Variants in ZNF565 observed in about 807,000 individuals in gnomAD.
ZNF565 encodes zinc finger protein 565.
A neutral mutation model predicts 39.4 loss-of-function variants in ZNF565; 27 were observed. That is an observed-to-expected ratio of 0.69 (90% CI 0.51 to 0.95). The LOEUF (loss-of-function observed/expected upper bound fraction) is 0.95. Among genes scored for constraint, ZNF565 ranks in the 40% least tolerant of loss-of-function variants. The pLI, the probability that ZNF565 is intolerant of heterozygous loss-of-function variation, is 0.00. For synonymous variants in ZNF565, 185 were observed against 216.6 expected (o/e 0.85, Z 1.28); for missense variants, 524 against 621.1 (o/e 0.84, Z 1.66).
At chr19:36,204,587 G>T (rs570575219) in intron 1 of ZNF565, among the ~76,000 whole-genome samples, 109 of 152,198 alleles carry the variant, frequency 7.2e-4, no homozygotes, top group Non-Finnish European at 1.2e-3. Flanking sequence ...TGGCTAGTAT[G>T]TCTGAGAAAC....
Position 36,183,330 on chromosome 19 carries a change from C to T in ZNF565, c.636G>A (p.Gln212=), listed in dbSNP as rs532801252. 2.0e-5 allele frequency: 33 copies of T among 1,613,226 alleles called. No individual in the cohort carries two copies. In the African/African-American group the frequency reaches 3.9e-4, roughly 19 times the overall value. ...KAFSRASHLV[Q]HQRIHTGEKP... is the part of the protein sequence containing the mutation. ...TCTCACCCGTGTGAATTCTCTGATGCTGAACAAGGTGTGAGGCACGGCTGA... is the reference window on the plus strand; with the variant it reads ...TCTCACCCGTGTGAATTCTCTGATGTTGAACAAGGTGTGAGGCACGGCTGA... Residue 212 remains glutamine, a synonymous_variant, in exon 5 of 5, where the codon CAG becomes CAA. Coordinates refer to ENST00000304116, the MANE Select transcript of ZNF565 (RefSeq NM_152477.5).
Position 36,245,485 on chromosome 19 carries a change from G to T in ZNF565, c.46C>A (p.Leu16Met). 1.4e-6 allele frequency: 1 copy of T among 702,224 alleles called. No individual in the cohort carries two copies. The highest frequency in any genetic ancestry group is 2.6e-6 in the Non-Finnish European group (1 of 384,796). The allele number at this position is 702,224 out of a possible 1,614,324, so 43.5% of individuals were successfully genotyped here. ...GCATCTAGGAGGTTACCTGCGTCCA[G>T]GCGGTGACTTGCGAGGGACCACCTT... is the stretch of plus-strand genomic sequence containing the variant. Residue 16 changes from leucine (L) to methionine (M), a missense_variant, in exon 1 of 5, where the codon CTG becomes ATG. Transcript: ENST00000355114. The surrounding 1 kb of genome is among the most constrained non-coding windows in gnomAD (Gnocchi z 4.4).
chr19:36,207,471 C>T (rs945505691), intron 1 of ZNF565, among the ~76,000 whole-genome samples: 15 of 151,362 alleles, frequency 9.9e-5, no homozygotes, highest in African/African-American at 1.2e-4. Flanking sequence ...AGCCAGGAGG[C>T]GGAGGTTGCG....
In ZNF565 at chr19:36,245,108, C is replaced by G. The variant is rs1337447121; in HGVS notation, c.55+368G>C. Among the ~76,000 whole-genome samples, 2 of 152,344 alleles carry G rather than the reference C, an allele frequency of 1.3e-5. No homozygotes were observed. The highest frequency in any genetic ancestry group is 3.9e-4 in the East Asian group (2 of 5,188). On this transcript the variant is annotated intron_variant, in intron 1 of 4. Transcript: ENST00000355114. This position sits in a 1 kb window ranked among gnomAD's most constrained non-coding sequence, Gnocchi z 4.4. The stretch of plus-strand genomic sequence containing the variant: ...TATTTCTTTTGAGTTTAGGGATCCA[C>G]AGCCTGAGACCCGGCGAGCCTCGCT...
upstream of ZNF565, chr19:36,214,785 G>C (rs1397861840): frequency 6.6e-6 from 1 of 152,668 alleles, no homozygotes; most frequent in Non-Finnish European, 1.5e-5. Flanking sequence ...GTCGGGGCCT[G>C]GCTCGTTTTG....
At chr19:36,223,383 G>A (rs1050210380) in intron 1 of ZNF565, among the ~76,000 whole-genome samples, 1 of 151,152 alleles carries the variant, frequency 6.6e-6, no homozygotes, top group African/African-American at 2.4e-5. Flanking sequence ...TTCTTTTTGA[G>A]ATGGAGTATC....
At chr19:36,237,091 T>C (rs1329903237) in intron 1 of ZNF565, 2 of 1,614,168 alleles carry the variant, frequency 1.2e-6, no homozygotes, top group East Asian at 4.5e-5. Context: ...GCAATGTTTG[T>C]GGAAAAGCCT....
At chr19:36,217,064 T>C (rs1438978966), upstream of ZNF565, among the ~76,000 whole-genome samples, 1 of 132,610 alleles carries the variant, frequency 7.5e-6, no homozygotes, top group African/African-American at 2.8e-5. Flanking sequence ...TCTTTTTTTT[T>C]TTTTTTTTTT....
intron 2 of ZNF565, among the ~76,000 whole-genome samples, chr19:36,198,529 CA>C: frequency 6.6e-6 from 1 of 151,266 alleles, no homozygotes; most frequent in Non-Finnish European, 1.5e-5. Context: ...TTAATGGGTA[CA>C]AAAAATAGAA....
chr19:36,192,214 G>C (rs867556476), intron 4 of ZNF565, among the ~76,000 whole-genome samples: 7 of 151,624 alleles, frequency 4.6e-5, no homozygotes, highest in Middle Eastern at 3.4e-3. Flanking sequence ...GTCTCGAACT[G>C]CTGACCTTGT....
intron 1 of ZNF565, among the ~76,000 whole-genome samples, chr19:36,205,743 C>T (rs1976128089): frequency 6.6e-6 from 1 of 151,438 alleles, no homozygotes; most frequent in Non-Finnish European, 1.5e-5. Flanking sequence ...AGGGCCTGAC[C>T]CAGGACATTG....
intron 1 of ZNF565, among the ~76,000 whole-genome samples, chr19:36,244,847 C>CT (rs2029881475): frequency 2.2e-5 from 1 of 46,282 alleles, no homozygotes; most frequent in African/African-American, 8.3e-5. Context: ...AAGACTACGT[C>CT]TTAAAAAAAA....
intron 1 of ZNF565, among the ~76,000 whole-genome samples, chr19:36,209,603 A>T (rs1295291043): frequency 6.6e-6 from 1 of 152,184 alleles, no homozygotes; most frequent in African/African-American, 2.4e-5. Flanking sequence ...TCTGATTCTG[A>T]CTTTTAGAAC....
At chr19:36,191,943 C>T (rs1026237714) in intron 4 of ZNF565, among the ~76,000 whole-genome samples, 1 of 151,792 alleles carries the variant, frequency 6.6e-6, no homozygotes, top group African/African-American at 2.4e-5. Context: ...CGGATGGAAA[C>T]TTCACAGGGG....
intron 1 of ZNF565, among the ~76,000 whole-genome samples, chr19:36,244,708 G>C (rs1022796373): frequency 6.6e-6 from 1 of 151,984 alleles, no homozygotes; most frequent in East Asian, 1.9e-4. Context: ...AAAATTAGCC[G>C]GGTGTGGTGG....
At chr19:36,217,391 G>A (rs1976657071), upstream of ZNF565, among the ~76,000 whole-genome samples, 1 of 151,858 alleles carries the variant, frequency 6.6e-6, no homozygotes, top group South Asian at 2.1e-4. Context: ...AAAGAAAGGA[G>A]AGAGAGAGAA....
intron 2 of ZNF565, among the ~76,000 whole-genome samples, chr19:36,197,685 A>G (rs2145332999): frequency 6.6e-6 from 1 of 152,294 alleles, no homozygotes; most frequent in South Asian, 2.1e-4. Flanking sequence ...AAGAGAGGCA[A>G]TAACAAATGC....
intron 2 of ZNF565, among the ~76,000 whole-genome samples, chr19:36,197,610 C>T (rs1299328613): frequency 2.6e-5 from 4 of 151,990 alleles, no homozygotes; most frequent in East Asian, 1.9e-4. Flanking sequence ...TAAGATACGT[C>T]GATTCCATTA....
chr19:36,237,623 C>T (rs1977692679), intron 1 of ZNF565: 1 of 238,706 alleles, frequency 4.2e-6, no homozygotes, highest in African/African-American at 2.3e-5. Flanking sequence ...ATCTGGAGAT[C>T]TTCGCCAGTA....
Sources: allele counts gnomAD v4.1 joint callset (sites outside exome capture counted in the v4.1 genomes callset), GRCh38; gene constraint gnomAD v4.1.1; non-coding constraint Gnocchi (gnomAD v3.1); transcripts MANE v1.5; gene names NCBI Gene and HGNC (gene_info 2026-07-23, HGNC 2026-07-21).